SOX6: variants seen among roughly 807,000 people sequenced by gnomAD.
The protein encoded by SOX6 is transcription factor SOX-6.
In SOX6, 11 loss-of-function variants were observed where a neutral mutation model predicts 97.8. The ratio of observed to expected loss-of-function variants is 0.11; its 90% CI spans 0.07 to 0.19. The LOEUF is 0.19. Among genes scored for constraint, SOX6 ranks in the 10% least tolerant of loss-of-function variants. The probability of loss-of-function intolerance (pLI) is 1.00; values close to 1 mark genes in which losing one functional copy is unlikely to be tolerated. For synonymous variants in SOX6, 360 were observed against 371.4 expected (o/e 0.97, Z 0.35); for missense variants, 810 against 1,039.5 (o/e 0.78, Z 3.04).
chr11:16,064,150 C>A (rs1275135846), intron 9 of SOX6, among the ~76,000 whole-genome samples: 1 of 151,730 alleles, frequency 6.6e-6, no homozygotes, highest in Non-Finnish European at 1.5e-5. Context: ...TTCTCCAAAT[C>A]TTCAAGCCAT....
At chr11:16,612,935 T>G (rs1848417352) in intron 3 of SOX6, among the ~76,000 whole-genome samples, 1 of 152,172 alleles carries the variant, frequency 6.6e-6, no homozygotes, top group Non-Finnish European at 1.5e-5. Flanking sequence ...TGTAACCATC[T>G]ACTTCTTCCA....
intron 12 of SOX6, among the ~76,000 whole-genome samples, chr11:16,022,161 A>T (rs1195990380): frequency 2.0e-5 from 3 of 152,176 alleles, no homozygotes; most frequent in Non-Finnish European, 4.4e-5. Context: ...ACAGCAACTC[A>T]TAACATATCC....
At chr11:16,713,676 AC>A (rs1163852027) in intron 3 of SOX6, among the ~76,000 whole-genome samples, 4 of 152,184 alleles carry the variant, frequency 2.6e-5, no homozygotes, top group Admixed American at 2.6e-4. Flanking sequence ...GAACAGCCAA[AC>A]CCAGGAATCC....
intron 4 of SOX6, among the ~76,000 whole-genome samples, chr11:16,541,211 A>G (rs1861402941): frequency 6.6e-6 from 1 of 152,236 alleles, no homozygotes; most frequent in Non-Finnish European, 1.5e-5. Context: ...AACAAAAACA[A>G]GAAATGGGGA....
At chr11:16,632,997 G>A (rs1321417626) in intron 3 of SOX6, among the ~76,000 whole-genome samples, 1 of 152,092 alleles carries the variant, frequency 6.6e-6, no homozygotes, top group Non-Finnish European at 1.5e-5. Context: ...GTGAGCTGGT[G>A]CTCCAAATTC....
chr11:16,462,971 C>A (rs1224584508), intron 1 of SOX6, among the ~76,000 whole-genome samples: 1 of 152,180 alleles, frequency 6.6e-6, no homozygotes, highest in African/African-American at 2.4e-5. Flanking sequence ...TTGCAATATT[C>A]CAATAGGATG....
chr11:16,349,438 G>A (rs1430882370), intron 1 of SOX6, among the ~76,000 whole-genome samples: 3 of 2,500 alleles, frequency 1.2e-3, no homozygotes, highest in South Asian at 0.25. Flanking sequence ...CCAACAAGGT[G>A]AAACCTGTCT....
chr11:16,277,378 C>A (rs1271888595), intron 3 of SOX6, among the ~76,000 whole-genome samples: 1 of 152,046 alleles, frequency 6.6e-6, no homozygotes, highest in Non-Finnish European at 1.5e-5. Flanking sequence ...AGGAAGACAG[C>A]CCTGACAAGG....
intron 4 of SOX6, among the ~76,000 whole-genome samples, chr11:16,517,501 T>A (rs1448608141): frequency 6.6e-6 from 1 of 152,214 alleles, no homozygotes; most frequent in African/African-American, 2.4e-5. Flanking sequence ...TATAAAATTT[T>A]ACAATCAAGA....
chr11:16,484,102 G>C (rs1171714638), intron 4 of SOX6: 14 of 769,724 alleles, frequency 1.8e-5, no homozygotes, highest in African/African-American at 6.8e-5. Context: ...CCTGAATGAG[G>C]TACAGGTGAC....
intron 4 of SOX6, among the ~76,000 whole-genome samples, chr11:16,557,128 T>C (rs1290994000): frequency 2.0e-5 from 3 of 151,740 alleles, no homozygotes; most frequent in African/African-American, 7.2e-5. Context: ...AAATTTCATC[T>C]CTCCACCCTA....
At chr11:16,118,128 C>CTTTTTTTTTTTTTTTTTTTTTT (rs1234916509) in intron 6 of SOX6, among the ~76,000 whole-genome samples, 1 of 152,138 alleles carries the variant, frequency 6.6e-6, no homozygotes, top group African/African-American at 2.4e-5. Context: ...ATTTTTATTG[C>CTTTTTTTTTTTTTTTTTTTTTT]TTTGAAAGTA....
intron 3 of SOX6, among the ~76,000 whole-genome samples, chr11:16,310,713 G>T (rs1258823695): frequency 2.6e-5 from 4 of 151,980 alleles, no homozygotes; most frequent in Non-Finnish European, 5.9e-5. Context: ...GTGTTTTAAT[G>T]AATACTTAAA....
chr11:16,320,477 A>G (rs1311652279), intron 2 of SOX6, among the ~76,000 whole-genome samples: 2 of 152,172 alleles, frequency 1.3e-5, no homozygotes, highest in African/African-American at 4.8e-5. Flanking sequence ...GGTGGGATAC[A>G]ATGGATTTTC....
chr11:16,191,850 T>C (rs1303223072), intron 4 of SOX6, among the ~76,000 whole-genome samples: 1 of 88,164 alleles, frequency 1.1e-5, no homozygotes, highest in East Asian at 2.0e-4. Context: ...GGGTTTTTTT[T>C]TTCTTTTTTT....
intron 3 of SOX6, among the ~76,000 whole-genome samples, chr11:16,694,272 A>C (rs1329926108): frequency 2.0e-5 from 3 of 152,228 alleles, no homozygotes; most frequent in Non-Finnish European, 2.9e-5. Flanking sequence ...TCACATCTGT[A>C]GTCCCAACAG....
chr11:16,336,132 A>C (rs1373544140), intron 2 of SOX6, among the ~76,000 whole-genome samples: 1 of 152,214 alleles, frequency 6.6e-6, no homozygotes, highest in Non-Finnish European at 1.5e-5. Flanking sequence ...CAAAATGTGT[A>C]TCAATATAAG....
At chr11:16,694,647 A>G (rs1268119350) in intron 3 of SOX6, among the ~76,000 whole-genome samples, 5 of 152,222 alleles carry the variant, frequency 3.3e-5, no homozygotes, top group Non-Finnish European at 5.9e-5. Flanking sequence ...TTAAAATGTC[A>G]GAAGTCTTAT....
intron 6 of SOX6, among the ~76,000 whole-genome samples, chr11:16,154,712 A>G (rs1850553745): frequency 6.6e-6 from 1 of 152,156 alleles, no homozygotes; most frequent in Non-Finnish European, 1.5e-5. Flanking sequence ...GAATTATTGT[A>G]ATATACACAT....
Sources: allele counts gnomAD v4.1 joint callset (sites outside exome capture counted in the v4.1 genomes callset), GRCh38; gene constraint gnomAD v4.1.1; transcripts MANE v1.5; gene names NCBI Gene and HGNC (gene_info 2026-07-23, HGNC 2026-07-21).